The following MYO1C variants were observed in gnomAD, a reference collection of about 807,000 sequenced individuals.
MYO1C encodes the protein unconventional myosin-Ic.
Under a neutral mutation model 150.8 loss-of-function variants are expected in MYO1C, and 104 were observed. The observed-to-expected ratio is 0.69, with a 90% CI of 0.59 to 0.81. The LOEUF (loss-of-function observed/expected upper bound fraction) is 0.81. MYO1C is among the 30% of genes least tolerant of loss of function. MYO1C has a pLI of 0.00. For synonymous variants in MYO1C, 663 were observed against 579.9 expected (o/e 1.14, Z -2.06); for missense variants, 1,504 against 1,435.0 (o/e 1.05, Z -0.78).
chr17:1,472,099 A>T, intron 18 of MYO1C, 24 bp downstream of exon 18: 2 of 1,613,496 alleles, frequency 1.2e-6, no homozygotes, highest in Non-Finnish European at 1.7e-6. Context: ...CCCGGCCCCG[A>T]AGTCCCCCGT....
chr17:1,466,145 C>T (rs1398944316), intron 31 of MYO1C, among the ~76,000 whole-genome samples: 2 of 147,212 alleles, frequency 1.4e-5, no homozygotes, highest in Admixed American at 6.8e-5. Context: ...CCTGCATTGC[C>T]GTGCTGCCTT....
chr17:1,471,979 C>G lies in MYO1C; in HGVS notation c.1949G>C (p.Gly650Ala), dbSNP rs747510347. The G allele has an allele frequency of 6.2e-7, 1 of 1,614,146 alleles. No individual in the cohort carries two copies. The highest frequency in any genetic ancestry group is 8.5e-7 in the Non-Finnish European group (1 of 1,180,016). The change falls in exon 19 of 32, where the codon GGG (glycine) becomes GCG (alanine). Residue 650 changes from glycine (G) to alanine (A), a missense_variant. Physicochemically the swap from Gly to Ala is moderately conservative, Grantham distance 60. Coordinates refer to ENST00000648651, the MANE Select transcript of MYO1C (RefSeq NM_001080779.2). ...VLIRHQVKYL[G>A]LLENLRVRRA... ...GCGCACGCGCAGGTTTTCCAACAGC[C>G]CCAGGTACTTCACCTGGTGGCGGAT...
Position 1,477,878 on chromosome 17 carries a change from G to C in MYO1C, c.1482+13C>G, listed in dbSNP as rs377692436. 4 of 1,610,078 alleles carry C rather than the reference G, an allele frequency of 2.5e-6. No homozygotes were observed. The highest frequency in any genetic ancestry group is 3.4e-6 in the Non-Finnish European group (4 of 1,176,528). ...GCCTCCAGCACCAGGCCTTGGAGGC[G>C]CAGAGGACTCACCAAAATCGAGATG... On this transcript the variant is annotated intron_variant, in intron 13 of 31. Coordinates refer to ENST00000648651, the MANE Select transcript of MYO1C (RefSeq NM_001080779.2).
intron 3 of MYO1C, 69 bp from the exon 4 acceptor site, chr17:1,483,128 C>T: frequency 6.9e-7 from 1 of 1,459,284 alleles, no homozygotes; most frequent in Non-Finnish European, 9.3e-7. Context: ...GTCCCGCTCC[C>T]ACATCTGGGT....
intron 21 of MYO1C, 160 bp downstream of exon 21, chr17:1,470,911 G>T: frequency 1.1e-6 from 1 of 949,624 alleles, no homozygotes; most frequent in Non-Finnish European, 1.6e-6. Flanking sequence ...GGGGCTCCAA[G>T]TCGGCCATTG....
chr17:1,471,315 C>G lies in MYO1C; in HGVS notation c.2043G>C (p.Glu681Asp), dbSNP rs751439623. The G allele has an allele frequency of 7.4e-6, 12 of 1,613,936 alleles. No individual in the cohort carries two copies. The South Asian group carries it at 1.3e-4, about 18-fold the overall frequency. Reference protein sequence around the residue: ...FLQRYKSLCPETWPTWAGRPQ... With the variant: ...FLQRYKSLCPDTWPTWAGRPQ... ...GCCGTCCTGCCCACGTGGGCCACGT[C>G]TCTGGGCACAGTGACTTGTACCTGG... is the stretch of plus-strand genomic sequence containing the variant. The change falls in exon 20 of 32, where the codon GAG (glutamate) becomes GAC (aspartate). Residue 681 changes from glutamate to aspartate, a missense_variant. Glu to Asp is a conservative substitution (Grantham distance 45, BLOSUM62 2). Transcript: ENST00000648651.
intron 14 of MYO1C, among the ~76,000 whole-genome samples, 159 bp from the exon 15 acceptor site, chr17:1,475,191 T>A (rs1340322206): frequency 6.6e-6 from 1 of 151,558 alleles, no homozygotes; most frequent in Non-Finnish European, 1.5e-5. Context: ...GAGGCCGAGG[T>A]GGGTAGATCA....
chr17:1,485,973 T>G (rs2074648866), intron 1 of MYO1C: 1 of 154,526 alleles, frequency 6.5e-6, no homozygotes, highest in Non-Finnish European at 1.4e-5. Context: ...CTGAGTCAGG[T>G]TTTCCAGGAG....
intron 3 of MYO1C, 137 bp from the exon 4 acceptor site, chr17:1,483,196 C>T: frequency 1.2e-6 from 1 of 855,508 alleles, no homozygotes; most frequent in Non-Finnish European, 1.8e-6. Flanking sequence ...GGGTCCCTCA[C>T]AGGTGTGGGC....
At chr17:1,483,480 A>G (rs2150961755) in intron 3 of MYO1C, 130 bp downstream of exon 3, 1 of 701,576 alleles carries the variant, frequency 1.4e-6, no homozygotes, top group African/African-American at 1.7e-5. Flanking sequence ...ACTGGGGGGC[A>G]AGAGACTGTG....
chr17:1,469,050 A>G, intron 25 of MYO1C: 1 of 300,908 alleles, frequency 3.3e-6, no homozygotes. Context: ...TCCACTTCCT[A>G]CACGAGGCCC....
At chr17:1,485,654 C>A in intron 1 of MYO1C, 1 of 1,203,926 alleles carries the variant, frequency 8.3e-7, no homozygotes, top group South Asian at 3.2e-5. Flanking sequence ...GGGAGGGACG[C>A]CCGGGACCCC....
At position 1,480,793 on chromosome 17, in the gene MYO1C, G is replaced by A; in HGVS notation, c.720C>T (p.Phe240=). ...QNHGERNFHI[F]YQLLEGGEEE... is the part of the protein sequence containing the mutation. ...CCTCGCCCCCCTCCAGCAGCTGGTA[G>A]AAGATGTGGAAGTTCCGCTCCCCAT... Residue 240 remains phenylalanine (F), a synonymous_variant, in exon 6 of 32, where the codon TTC becomes TTT. Coordinates refer to ENST00000648651, the MANE Select transcript of MYO1C (RefSeq NM_001080779.2). 6.2e-7 allele frequency: 1 copy of A among 1,614,178 alleles called. No homozygotes were observed. The highest frequency in any genetic ancestry group is 1.1e-5 in the South Asian group (1 of 91,086).
At chr17:1,474,779 A>ACCCCCCCCCCCGCCACC in intron 16 of MYO1C, 33 bp downstream of exon 16, 1 of 969,136 alleles carries the variant, frequency 1.0e-6, no homozygotes, top group Non-Finnish European at 1.6e-6. Context: ...GGCTATCCCC[A>ACCCCCCCCCCCGCCACC]CCCCCACCCC....
intron 1 of MYO1C, chr17:1,484,548 G>A (rs895361149): frequency 1.5e-5 from 9 of 602,342 alleles, no homozygotes; most frequent in East Asian, 2.8e-5. Flanking sequence ...CCGAGGCTGC[G>A]GGCACAGAAC....
At chr17:1,470,399 T>A (rs564948039) in intron 23 of MYO1C, 36 bp downstream of exon 23, 3 of 1,548,902 alleles carry the variant, frequency 1.9e-6, no homozygotes, top group South Asian at 2.4e-5. Context: ...CCCCACGCCC[T>A]GCTCTGCAGC....
chr17:1,492,315 C>T (rs1474970937), intron 1 of MYO1C, 98 bp downstream of exon 1: 6 of 1,246,104 alleles, frequency 4.8e-6, no homozygotes, highest in South Asian at 2.6e-5. Flanking sequence ...AACCCCTCCC[C>T]GCTGCTCAGC....
At chr17:1,472,100 A>G (rs2074316220) in intron 18 of MYO1C, 23 bp downstream of exon 18, 1 of 1,613,486 alleles carries the variant, frequency 6.2e-7, no homozygotes. Flanking sequence ...CCGGCCCCGA[A>G]GTCCCCCGTG....
chr17:1,485,130 G>A, intron 1 of MYO1C: 1 of 1,210,010 alleles, frequency 8.3e-7, no homozygotes, highest in Non-Finnish European at 1.0e-6. Context: ...ACCATGGAAA[G>A]CCCAGCTGCC....
Sources: gnomAD v4.1 joint callset for allele counts (sites outside exome capture counted in the v4.1 genomes callset) on GRCh38, gnomAD v4.1.1 for gene constraint, MANE v1.5 for transcripts, NCBI Gene and HGNC (gene_info 2026-07-23, HGNC 2026-07-21) for gene names.